Variants in RBPMS observed in about 807,000 individuals in gnomAD.
RBPMS encodes RNA binding protein, mRNA processing factor.
RBPMS carries 7 observed loss-of-function variants against 26.8 expected under a neutral mutation model. That is an observed-to-expected ratio of 0.26 (90% confidence interval 0.15 to 0.49). RBPMS has a LOEUF of 0.49. RBPMS is among the 20% of genes least tolerant of loss of function. The pLI is 0.98. For missense variants in RBPMS, 186 were observed against 250.0 expected (o/e 0.74, Z 1.73); for synonymous variants, 96 against 93.3 (o/e 1.03, Z -0.17).
At chr8:30,549,547 G>A (rs147781673) in intron 6 of RBPMS, 93 of 1,614,020 alleles carry the variant, frequency 5.8e-5, no homozygotes, top group Non-Finnish European at 6.9e-5. Flanking sequence ...TGAGCGCTCC[G>A]TCTCCTGATA....
intron 1 of RBPMS, chr8:30,442,523 A>G (rs959510475): frequency 6.7e-6 from 1 of 149,796 alleles, no homozygotes; most frequent in Non-Finnish European, 1.5e-5. Flanking sequence ...TGCCTTTTCC[A>G]TTTTAATTGC....
At chr8:30,531,618 A>G (rs1242065725) in intron 5 of RBPMS, among the ~76,000 whole-genome samples, 3 of 152,160 alleles carry the variant, frequency 2.0e-5, no homozygotes, top group Non-Finnish European at 4.4e-5. Context: ...AATGAGTACA[A>G]TTTTCAGGAA....
At chr8:30,468,175 C>G (rs1816715356) in intron 1 of RBPMS, among the ~76,000 whole-genome samples, 1 of 151,998 alleles carries the variant, frequency 6.6e-6, no homozygotes, top group African/African-American at 2.4e-5. Context: ...TTTTCTTTCC[C>G]CAAAAAACTT....
intron 8 of RBPMS, among the ~76,000 whole-genome samples, chr8:30,567,644 T>C (rs924555283): frequency 1.3e-5 from 2 of 152,004 alleles, no homozygotes; most frequent in East Asian, 3.9e-4. Context: ...GACATGATTT[T>C]AAATGCAGCA....
chr8:30,413,179 A>G (rs1234489989), intron 1 of RBPMS, among the ~76,000 whole-genome samples: 1 of 152,172 alleles, frequency 6.6e-6, no homozygotes, highest in African/African-American at 2.4e-5. Context: ...CTCAGGTTCA[A>G]GTGATTCTCC....
chr8:30,425,528 G>A (rs1585417863), intron 1 of RBPMS, among the ~76,000 whole-genome samples: 1 of 152,178 alleles, frequency 6.6e-6, no homozygotes, highest in Middle Eastern at 3.4e-3. Flanking sequence ...AGCCTCCTGA[G>A]TAGCTGGGAT....
chr8:30,541,807 T>G (rs572433151), intron 5 of RBPMS, among the ~76,000 whole-genome samples: 1 of 152,210 alleles, frequency 6.6e-6, no homozygotes, highest in Non-Finnish European at 1.5e-5. Context: ...TGTGAAGGGC[T>G]TGTGCTGTGG....
At chr8:30,497,567 G>C (rs1820104070) in intron 4 of RBPMS, among the ~76,000 whole-genome samples, 1 of 151,936 alleles carries the variant, frequency 6.6e-6, no homozygotes, top group African/African-American at 2.4e-5. Context: ...ACCGGTAGAA[G>C]ACTTTTATTC....
At chr8:30,566,200 G>A (rs1827876999) in intron 7 of RBPMS, 57 bp from the exon 8 acceptor site, 1 of 954,012 alleles carries the variant, frequency 1.0e-6, no homozygotes, top group Admixed American at 6.2e-5. Context: ...CAAGACCGAG[G>A]CAGCCCCAGG....
chr8:30,489,515 G>A (rs557923480), intron 4 of RBPMS, among the ~76,000 whole-genome samples: 1 of 152,154 alleles, frequency 6.6e-6, no homozygotes, highest in Admixed American at 6.5e-5. Context: ...GAGTGCAGTG[G>A]CTCACTGCAA....
At chr8:30,481,217 T>C (rs892802367) in intron 4 of RBPMS, among the ~76,000 whole-genome samples, 1 of 152,236 alleles carries the variant, frequency 6.6e-6, no homozygotes, top group African/African-American at 2.4e-5. Flanking sequence ...TCTCCCTCCT[T>C]GGCCTTCCAG....
At chr8:30,447,433 A>G (rs1186788885) in intron 1 of RBPMS, among the ~76,000 whole-genome samples, 1 of 152,208 alleles carries the variant, frequency 6.6e-6, no homozygotes, top group Non-Finnish European at 1.5e-5. Flanking sequence ...GTAATAGTGC[A>G]ATGTTTTGTG....
chr8:30,388,481 C>T (rs1807379678), intron 1 of RBPMS, among the ~76,000 whole-genome samples: 1 of 98,704 alleles, frequency 1.0e-5, no homozygotes, highest in African/African-American at 3.8e-5. Flanking sequence ...ATAGCTATAG[C>T]TATAAGCTAA....
intron 1 of RBPMS, among the ~76,000 whole-genome samples, chr8:30,463,230 C>T (rs1816136814): frequency 6.6e-6 from 1 of 152,174 alleles, no homozygotes; most frequent in African/African-American, 2.4e-5. Flanking sequence ...TCATTTAATC[C>T]TTGCAAAAAC....
intron 7 of RBPMS, among the ~76,000 whole-genome samples, chr8:30,560,337 C>T (rs144667406): frequency 1.9e-3 from 282 of 152,118 alleles, no homozygotes; most frequent in African/African-American, 6.4e-3. Context: ...TCTGTGTTCG[C>T]AAAGGAGAGG....
intron 1 of RBPMS, among the ~76,000 whole-genome samples, chr8:30,445,565 A>G (rs1813629509): frequency 6.7e-6 from 1 of 150,374 alleles, no homozygotes. Flanking sequence ...TGGAGTTTTC[A>G]TCTTTTCTTT....
chr8:30,553,591 G>T (rs1826577359), intron 6 of RBPMS: 1 of 152,230 alleles, frequency 6.6e-6, no homozygotes, highest in East Asian at 1.9e-4. Context: ...TAGTCACTGT[G>T]TGAGTGGTTC....
chr8:30,543,980 C>T (rs953710931), intron 5 of RBPMS, among the ~76,000 whole-genome samples: 3 of 152,178 alleles, frequency 2.0e-5, no homozygotes, highest in South Asian at 2.1e-4. Context: ...CTGAGGGCTA[C>T]GTGGAAAATG....
At chr8:30,526,700 G>C (rs1823627318) in intron 5 of RBPMS, among the ~76,000 whole-genome samples, 1 of 152,140 alleles carries the variant, frequency 6.6e-6, no homozygotes, top group South Asian at 2.1e-4. Flanking sequence ...ACTTCATTCA[G>C]GAAATCATAA....
Sources: allele counts gnomAD v4.1 joint callset (sites outside exome capture counted in the v4.1 genomes callset), GRCh38; gene constraint gnomAD v4.1.1; transcripts MANE v1.5; gene names NCBI Gene and HGNC (gene_info 2026-07-23, HGNC 2026-07-21).